DENND1B: variants seen among roughly 807,000 people sequenced by gnomAD.
DENND1B encodes the protein DENN domain-containing protein 1B.
Under a neutral mutation model 90.1 loss-of-function variants are expected in DENND1B, and 59 were observed. The observed-to-expected ratio is 0.65, with a 90% CI of 0.53 to 0.81. The LOEUF (loss-of-function observed/expected upper bound fraction) is 0.81. Among genes scored for constraint, DENND1B ranks in the 40% least tolerant of loss-of-function variants. DENND1B has a pLI of 0.00. For synonymous variants in DENND1B, 337 were observed against 324.6 expected (o/e 1.04, Z -0.41); for missense variants, 862 against 912.6 (o/e 0.94, Z 0.71).
At chr1:197,513,684 A>G (rs773056653) in intron 20 of DENND1B, among the ~76,000 whole-genome samples, 6 of 151,662 alleles carry the variant, frequency 4.0e-5, no homozygotes, top group Non-Finnish European at 7.4e-5. Flanking sequence ...TTAATATCTT[A>G]TAGTACTCAG....
intron 20 of DENND1B, among the ~76,000 whole-genome samples, chr1:197,526,360 T>C (rs982145862): frequency 2.6e-5 from 4 of 152,084 alleles, no homozygotes; most frequent in African/African-American, 9.7e-5. Context: ...ATAATTTGTT[T>C]ACAAAAGGTA....
intron 2 of DENND1B, 80 bp downstream of exon 2, chr1:197,772,788 G>T: frequency 1.6e-6 from 2 of 1,281,282 alleles, no homozygotes; most frequent in African/African-American, 1.5e-5. Flanking sequence ...TCATGCCACT[G>T]CACAGCCTGA....
rs76928262 is a variant in DENND1B, at chr1:197,624,018, G to C, written c.673-6259C>G. Among the ~76,000 whole-genome samples, 895 of 151,614 alleles carry C rather than the reference G, an allele frequency of 5.9e-3. 14 individuals carry two copies. Among genetic ancestry groups the C allele is most frequent in the African/African-American group, 0.02 (836 of 41,454 alleles). On this transcript the variant is annotated intron_variant, in intron 10 of 22. Coordinates refer to ENST00000620048, the MANE Select transcript of DENND1B (RefSeq NM_001195215.2). Reference sequence around the variant, plus strand: ...GTCAGTCCTTCCAACTTGATCTATAGATTACAATCCCAATCAAAATCCCAG... The same window carrying C: ...GTCAGTCCTTCCAACTTGATCTATACATTACAATCCCAATCAAAATCCCAG...
At chr1:197,719,250 G>GA (rs1660932223) in intron 2 of DENND1B, among the ~76,000 whole-genome samples, 1 of 151,978 alleles carries the variant, frequency 6.6e-6, no homozygotes, top group African/African-American at 2.4e-5. Context: ...AGAGATATTT[G>GA]TTTTTTTCTT....
chr1:197,678,009 A>C (rs1656269592), intron 3 of DENND1B, among the ~76,000 whole-genome samples: 1 of 152,144 alleles, frequency 6.6e-6, no homozygotes, highest in African/African-American at 2.4e-5. Context: ...CAGTCTTTTT[A>C]TCAGTGAGGA....
intron 7 of DENND1B, among the ~76,000 whole-genome samples, chr1:197,650,665 TG>T (rs1021710301): frequency 6.6e-6 from 1 of 152,096 alleles, no homozygotes; most frequent in Non-Finnish European, 1.5e-5. Flanking sequence ...TATATATATA[TG>T]ATGGAATACT....
chr1:197,776,823 C>A (rs544564311), upstream of DENND1B, among the ~76,000 whole-genome samples: 5 of 149,326 alleles, frequency 3.3e-5, no homozygotes, highest in Non-Finnish European at 4.5e-5. Flanking sequence ...AACAAACAAA[C>A]AAAAAAAAAA....
intron 7 of DENND1B, among the ~76,000 whole-genome samples, chr1:197,650,179 C>T (rs1478573384): frequency 6.6e-6 from 1 of 152,096 alleles, no homozygotes; most frequent in Non-Finnish European, 1.5e-5. Flanking sequence ...GCAAGAATGG[C>T]CATAATCAAA....
intron 14 of DENND1B, among the ~76,000 whole-genome samples, chr1:197,584,428 C>A (rs1458788628): frequency 1.3e-5 from 2 of 152,092 alleles, no homozygotes; most frequent in East Asian, 3.9e-4. Context: ...CACATTTGAA[C>A]CGCTCAATGG....
intron 14 of DENND1B, 119 bp from the exon 15 acceptor site, chr1:197,583,372 C>G: frequency 1.3e-6 from 1 of 797,294 alleles, no homozygotes; most frequent in Non-Finnish European, 2.0e-6. Context: ...GCAACAGACC[C>G]TTCCTTACAC....
At chr1:197,644,991 CAT>C (rs141218671) in intron 9 of DENND1B, among the ~76,000 whole-genome samples, 1 of 152,186 alleles carries the variant, frequency 6.6e-6, no homozygotes, top group African/African-American at 2.4e-5. Flanking sequence ...TTCATTTTCA[CAT>C]AGTTATCCAA....
intron 2 of DENND1B, chr1:197,762,097 T>A (rs910313538): frequency 2.0e-5 from 3 of 152,244 alleles, no homozygotes; most frequent in Admixed American, 2.0e-4. Context: ...CAAGTAATCA[T>A]TGAACACCAT....
Position 197,509,897 on chromosome 1 carries a change from G to T in DENND1B, c.*563C>A, listed in dbSNP as rs1384014858. The stretch of plus-strand genomic sequence containing the variant: ...TCCATTAAGAGAGCTTTTTAATCTT[G>T]AAAAGATGAATTTTGACCTTGATTT... On this transcript the variant is annotated 3_prime_UTR_variant, in exon 23 of 23. Transcript: ENST00000620048. The T allele has an allele frequency of 6.6e-6, 1 of 151,850 alleles. No homozygotes were observed. Among genetic ancestry groups the T allele is most frequent in the Non-Finnish European group, 1.5e-5 (1 of 67,796 alleles). The allele number at this position is 151,850 out of a possible 1,614,324, so 9.4% of individuals were successfully genotyped here. A position where few individuals can be genotyped will look rare whatever the true frequency, so the allele number is the denominator to read the frequency against.
chr1:197,776,372 C>G (rs1001565159), upstream of DENND1B, among the ~76,000 whole-genome samples: 1 of 152,176 alleles, frequency 6.6e-6, no homozygotes, highest in Non-Finnish European at 1.5e-5. Context: ...CTGTCTCCCT[C>G]CTCTGCTGTC....
At chr1:197,637,967 C>G (rs1316738572) in intron 10 of DENND1B, among the ~76,000 whole-genome samples, 2 of 152,154 alleles carry the variant, frequency 1.3e-5, no homozygotes, top group African/African-American at 4.8e-5. Context: ...TAAATGCTGA[C>G]ACAGGTGGCT....
At chr1:197,530,088 C>T (rs1333576032) in intron 20 of DENND1B, among the ~76,000 whole-genome samples, 1 of 152,132 alleles carries the variant, frequency 6.6e-6, no homozygotes. Flanking sequence ...GAGCAACAGC[C>T]ATACTAATTA....
intron 20 of DENND1B, among the ~76,000 whole-genome samples, chr1:197,518,207 A>G (rs572945772): frequency 6.6e-6 from 1 of 152,028 alleles, no homozygotes; most frequent in African/African-American, 2.4e-5. Flanking sequence ...GGAATTATGA[A>G]TGCTGTCTAG....
chr1:197,580,705 G>C (rs537643707), intron 15 of DENND1B, among the ~76,000 whole-genome samples: 1 of 152,154 alleles, frequency 6.6e-6, no homozygotes, highest in Admixed American at 6.5e-5. Context: ...TAATGCTTTG[G>C]ATGTATGAGT....
At chr1:197,518,405 C>CA (rs1668548090) in intron 20 of DENND1B, among the ~76,000 whole-genome samples, 1 of 151,902 alleles carries the variant, frequency 6.6e-6, no homozygotes, top group South Asian at 2.1e-4. Context: ...AAAACCCTCC[C>CA]AGGAAAACTT....
Sources: allele counts gnomAD v4.1 joint callset (sites outside exome capture counted in the v4.1 genomes callset), GRCh38; gene constraint gnomAD v4.1.1; transcripts MANE v1.5; gene names NCBI Gene and HGNC (gene_info 2026-07-23, HGNC 2026-07-21).